IL1RAPL1: variants seen among roughly 807,000 people sequenced by gnomAD.
IL1RAPL1 encodes the protein interleukin-1 receptor accessory protein-like 1.
In IL1RAPL1, 3 loss-of-function variants were observed where a neutral mutation model predicts 48.4. That is an observed-to-expected ratio of 0.06 (90% CI 0.03 to 0.16). IL1RAPL1 has a LOEUF of 0.16. IL1RAPL1 is among the 10% of genes least tolerant of loss of function. The pLI, the probability that IL1RAPL1 is intolerant of heterozygous loss-of-function variation, is 1.00. For synonymous variants in IL1RAPL1, 185 were observed against 187.7 expected (o/e 0.99, Z 0.12); for missense variants, 349 against 530.6 (o/e 0.66, Z 3.36).
At chrX:28,727,620 A>G (rs1040947791) in intron 1 of IL1RAPL1, among the ~76,000 whole-genome samples, 1 of 104,531 alleles carries the variant, frequency 9.6e-6, no homozygotes, top group Non-Finnish European at 1.9e-5. Flanking sequence ...GCCAGTTTTC[A>G]GAGGGAATGC....
chrX:28,832,737 G>A (rs73452833), intron 2 of IL1RAPL1, among the ~76,000 whole-genome samples: 11,813 of 106,066 alleles, frequency 0.11, 1,165 homozygotes, highest in East Asian at 0.31. Flanking sequence ...GGTTGGTCAA[G>A]GTTTTTTTTT....
chrX:28,667,871 A>G (rs1044789566), intron 1 of IL1RAPL1, among the ~76,000 whole-genome samples: 4 of 111,359 alleles, frequency 3.6e-5, no homozygotes, highest in Non-Finnish European at 7.5e-5. Flanking sequence ...CACTAATCCC[A>G]TTCATGAGGG....
At chrX:28,642,962 C>T (rs1193787245) in intron 1 of IL1RAPL1, among the ~76,000 whole-genome samples, 2 of 110,256 alleles carry the variant, frequency 1.8e-5, no homozygotes, top group African/African-American at 6.6e-5. Flanking sequence ...GATCTTGGCT[C>T]AATGCAACCT....
intron 6 of IL1RAPL1, among the ~76,000 whole-genome samples, chrX:29,838,081 G>A (rs1931056618): frequency 9.0e-6 from 1 of 111,357 alleles, no homozygotes; most frequent in African/African-American, 3.3e-5. Context: ...CATTTTCCAG[G>A]GAAGAAGCGT....
chrX:29,652,086 A>T (rs1326768758), intron 5 of IL1RAPL1, among the ~76,000 whole-genome samples: 1 of 111,676 alleles, frequency 9.0e-6, no homozygotes, highest in African/African-American at 3.2e-5. Context: ...CTTCAGAAAA[A>T]AAGCACACAA....
At chrX:28,945,895 A>ATG (rs1924287578) in intron 2 of IL1RAPL1, among the ~76,000 whole-genome samples, 1 of 93,939 alleles carries the variant, frequency 1.1e-5, no homozygotes, top group Non-Finnish European at 2.1e-5. Flanking sequence ...ATGTATATAT[A>ATG]TATATATATG....
chrX:29,766,735 A>C (rs1474624751), intron 6 of IL1RAPL1, among the ~76,000 whole-genome samples: 1 of 102,785 alleles, frequency 9.7e-6, no homozygotes, highest in Non-Finnish European at 2.0e-5. Context: ...AAATTACATA[A>C]TATATAATTA....
At chrX:28,637,940 T>C (rs1601842588) in intron 1 of IL1RAPL1, among the ~76,000 whole-genome samples, 1 of 112,199 alleles carries the variant, frequency 8.9e-6, no homozygotes, top group Admixed American at 9.5e-5. Context: ...CCATACTTTT[T>C]AAAAACTGGA....
chrX:28,589,032 A>G (rs1283235300), intron 1 of IL1RAPL1, among the ~76,000 whole-genome samples: 1 of 111,903 alleles, frequency 8.9e-6, no homozygotes, highest in African/African-American at 3.3e-5. Flanking sequence ...AGGATGTTTA[A>G]GCATATTCTG....
intron 5 of IL1RAPL1, among the ~76,000 whole-genome samples, chrX:29,433,517 A>G (rs1934445406): frequency 9.0e-6 from 1 of 111,335 alleles, no homozygotes; most frequent in African/African-American, 3.2e-5. Flanking sequence ...ATTTTTCAAA[A>G]TGCAATTTCT....
chrX:29,328,946 A>G (rs180734451), intron 3 of IL1RAPL1, among the ~76,000 whole-genome samples: 1 of 111,692 alleles, frequency 9.0e-6, no homozygotes, highest in East Asian at 2.8e-4. Context: ...TTCTCATTAT[A>G]TATGAGATAG....
At chrX:29,613,625 G>C (rs1280099585) in intron 5 of IL1RAPL1, among the ~76,000 whole-genome samples, 1 of 110,296 alleles carries the variant, frequency 9.1e-6, no homozygotes, top group Non-Finnish European at 1.9e-5. Flanking sequence ...ATAAATGATA[G>C]ATAAATGATA....
chrX:29,362,347 A>G (rs1462001595), intron 3 of IL1RAPL1, among the ~76,000 whole-genome samples: 2 of 112,140 alleles, frequency 1.8e-5, no homozygotes, highest in Non-Finnish European at 3.8e-5. Context: ...ATATTTGTGA[A>G]TAAATGAGTC....
chrX:28,627,366 C>T (rs1934350847), intron 1 of IL1RAPL1, among the ~76,000 whole-genome samples: 1 of 111,687 alleles, frequency 9.0e-6, no homozygotes, highest in Admixed American at 9.5e-5. Flanking sequence ...TGGTTCTCCT[C>T]CTCTGTCGCT....
chrX:29,593,343 A>G (rs959662290), intron 5 of IL1RAPL1, among the ~76,000 whole-genome samples: 8 of 111,851 alleles, frequency 7.2e-5, no homozygotes, highest in African/African-American at 2.6e-4. Flanking sequence ...AAACCTGATT[A>G]CCCTAATGGC....
chrX:29,831,302 C>T (rs1930869419), intron 6 of IL1RAPL1, among the ~76,000 whole-genome samples: 1 of 111,132 alleles, frequency 9.0e-6, no homozygotes, highest in African/African-American at 3.3e-5. Flanking sequence ...GCAATTAAGT[C>T]CCCCCATGGA....
chrX:29,054,661 C>G (rs969403931), intron 2 of IL1RAPL1, among the ~76,000 whole-genome samples: 2 of 111,343 alleles, frequency 1.8e-5, no homozygotes, highest in African/African-American at 6.5e-5. Context: ...AATTAGTTGG[C>G]AGTTTCAGAT....
At chrX:29,665,735 G>A (rs1370523507) in intron 5 of IL1RAPL1, among the ~76,000 whole-genome samples, 1 of 112,070 alleles carries the variant, frequency 8.9e-6, no homozygotes, top group East Asian at 2.8e-4. Context: ...TTCTATCAAA[G>A]ACAGGCAAAT....
intron 5 of IL1RAPL1, among the ~76,000 whole-genome samples, chrX:29,565,228 C>A (rs1329022675): frequency 9.1e-6 from 1 of 110,372 alleles, no homozygotes; most frequent in Non-Finnish European, 1.9e-5. Context: ...AATCAATACG[C>A]AGGGTATGAA....
Sources: allele counts gnomAD v4.1 joint callset (sites outside exome capture counted in the v4.1 genomes callset), GRCh38; gene constraint gnomAD v4.1.1; transcripts MANE v1.5; gene names NCBI Gene and HGNC (gene_info 2026-07-23, HGNC 2026-07-21).